Variants in CA6 observed in about 807,000 individuals in gnomAD.
CA6 encodes the protein carbonic anhydrase 6, also known as carbonate dehydratase VI.
A neutral mutation model predicts 35.9 loss-of-function variants in CA6; 28 were observed. The ratio of observed to expected loss-of-function variants is 0.78; its 90% CI spans 0.58 to 1.07. The LOEUF (loss-of-function observed/expected upper bound fraction) is 1.07. Among genes scored for constraint, CA6 ranks in the 50% least tolerant of loss-of-function variants. CA6 has a pLI of 0.00. For missense variants in CA6, 377 were observed against 382.0 expected (o/e 0.99, Z 0.11); for synonymous variants, 148 against 152.6 (o/e 0.97, Z 0.22).
intron 2 of CA6, chr1:8,951,398 C>T (rs762857728): frequency 4.0e-6 from 3 of 748,662 alleles, no homozygotes; most frequent in Non-Finnish European, 7.4e-6. Context: ...CTCTTGTTTC[C>T]AAAGTTACTC....
rs780959225 is a variant in CA6, at chr1:8,945,973, C to T, written c.79+8C>T. 1.3e-5 allele frequency: 21 copies of T among 1,601,134 alleles called. 1 individual carries two copies. The highest frequency in any genetic ancestry group is 3.3e-4 in the Middle Eastern group (2 of 6,056). ...CTGACTGGACCTACTCAGGTGAGCC[C>T]CTAGCTTCTGCATGCTCCCCCAGTT... On this transcript the variant is annotated splice_region_variant and intron_variant, in intron 1 of 7. Transcript: ENST00000377443.
At chr1:8,966,781 T>A (rs1639978840) in intron 5 of CA6, among the ~76,000 whole-genome samples, 1 of 152,134 alleles carries the variant, frequency 6.6e-6, no homozygotes, top group Non-Finnish European at 1.5e-5. Context: ...GTTGTTGACA[T>A]GAATGAAACA....
chr1:8,973,018 GTC>G (rs1255890100), intron 7 of CA6, among the ~76,000 whole-genome samples: 3 of 152,082 alleles, frequency 2.0e-5, no homozygotes, highest in Non-Finnish European at 2.9e-5. Flanking sequence ...AGACTCATGG[GTC>G]TGTCTCCTAA....
At chr1:8,950,934 A>T (rs1639513776) in intron 2 of CA6, among the ~76,000 whole-genome samples, 1 of 152,124 alleles carries the variant, frequency 6.6e-6, no homozygotes, top group Non-Finnish European at 1.5e-5. Flanking sequence ...AAATAAAACC[A>T]GCCTGGTGAG....
chr1:8,949,573 C>T (rs1411155834), intron 2 of CA6, 131 bp downstream of exon 2: 3 of 743,486 alleles, frequency 4.0e-6, no homozygotes, highest in Non-Finnish European at 6.6e-6. Flanking sequence ...AGGCCTCGAA[C>T]ATGAGGGTCG....
At chr1:8,970,511 A>C (rs753956136) in intron 6 of CA6, among the ~76,000 whole-genome samples, 41 of 151,620 alleles carry the variant, frequency 2.7e-4, no homozygotes, top group Non-Finnish European at 3.4e-4. Context: ...ATTCTTTTTT[A>C]TTTTTTATTT....
At chr1:8,960,647 T>C (rs1379956166) in intron 4 of CA6, among the ~76,000 whole-genome samples, 2 of 151,314 alleles carry the variant, frequency 1.3e-5, no homozygotes, top group Non-Finnish European at 2.9e-5. Flanking sequence ...CATTTGAAGA[T>C]AGAGCAATGA....
At chr1:8,973,351 C>T (rs1249836659) in intron 7 of CA6, among the ~76,000 whole-genome samples, 1 of 152,120 alleles carries the variant, frequency 6.6e-6, no homozygotes, top group Non-Finnish European at 1.5e-5. Context: ...CCATATTTCC[C>T]CTGCTTTCCC....
chr1:8,962,179 T>C (rs192209568), intron 4 of CA6, among the ~76,000 whole-genome samples: 1 of 151,382 alleles, frequency 6.6e-6, no homozygotes, highest in Non-Finnish European at 1.5e-5. Flanking sequence ...GAGGCAGAGG[T>C]TGCAGTGAGC....
At chr1:8,947,332 G>T (rs529271661) in intron 1 of CA6, among the ~76,000 whole-genome samples, 1 of 152,110 alleles carries the variant, frequency 6.6e-6, no homozygotes, top group African/African-American at 2.4e-5. Context: ...TGCAGGAAGT[G>T]AGACAAACAT....
intron 7 of CA6, among the ~76,000 whole-genome samples, chr1:8,972,563 T>C (rs952618561): frequency 2.6e-5 from 4 of 151,918 alleles, no homozygotes; most frequent in African/African-American, 9.7e-5. Context: ...TCCCAGCTAC[T>C]GGGGAGGCTG....
At chr1:8,957,531 G>A (rs1350252859) in intron 3 of CA6, among the ~76,000 whole-genome samples, 1 of 152,108 alleles carries the variant, frequency 6.6e-6, no homozygotes, top group Admixed American at 6.5e-5. Flanking sequence ...AGTAGAGACG[G>A]GATTTCACCA....
intron 5 of CA6, among the ~76,000 whole-genome samples, chr1:8,962,913 TGCACTAAGTAG>T (rs1245500418): frequency 1.3e-5 from 2 of 152,216 alleles, no homozygotes; most frequent in Admixed American, 6.5e-5. Context: ...TGACTGGAGT[TGCACTAAGTAG>T]GCATATCCTT....
intron 7 of CA6, among the ~76,000 whole-genome samples, chr1:8,971,386 A>C (rs1281823008): frequency 7.0e-6 from 1 of 143,520 alleles, no homozygotes; most frequent in Non-Finnish European, 1.5e-5. Flanking sequence ...ATCTCGTCTC[A>C]CTACAACCTC....
intron 6 of CA6, among the ~76,000 whole-genome samples, chr1:8,969,017 C>T (rs1406473347): frequency 7.3e-6 from 1 of 137,908 alleles, no homozygotes; most frequent in Non-Finnish European, 1.6e-5. Flanking sequence ...AACCCTGTCT[C>T]AAAAAAAAAA....
rs769517813 is a variant in CA6, at chr1:8,949,225, G to A, written c.80-38G>A. ...GTGAGGTTCCTCCAGAGTGGGCGCA[G>A]CCAGGCAGCCCCTTGAACTGTGTCT... On this transcript the variant is annotated intron_variant, in intron 1 of 7. Coordinates refer to ENST00000377443, the MANE Select transcript of CA6 (RefSeq NM_001215.4). The A allele has an allele frequency of 1.4e-5, 21 of 1,506,274 alleles. No homozygotes were observed. In the East Asian group the frequency reaches 3.9e-4, roughly 28 times the overall value. 93.3% of individuals were successfully genotyped at this position (1,506,274 alleles called of 1,614,324 possible).
intron 6 of CA6, among the ~76,000 whole-genome samples, chr1:8,968,262 G>A (rs991957083): frequency 6.6e-6 from 1 of 151,944 alleles, no homozygotes; most frequent in Non-Finnish European, 1.5e-5. Flanking sequence ...CACTGCACCC[G>A]GCCATCTCCT....
At chr1:8,965,183 G>A (rs1365483932) in intron 5 of CA6, among the ~76,000 whole-genome samples, 1 of 152,184 alleles carries the variant, frequency 6.6e-6, no homozygotes, top group Non-Finnish European at 1.5e-5. Context: ...GGTGGAGGTT[G>A]TAGTGAGCTG....
At chr1:8,947,656 C>T (rs1406333205) in intron 1 of CA6, among the ~76,000 whole-genome samples, 1 of 152,080 alleles carries the variant, frequency 6.6e-6, no homozygotes, top group Non-Finnish European at 1.5e-5. Context: ...AGACAGTGGG[C>T]TTCCTGGGAA....
Sources: allele counts gnomAD v4.1 joint callset (sites outside exome capture counted in the v4.1 genomes callset), GRCh38; gene constraint gnomAD v4.1.1; transcripts MANE v1.5; gene names NCBI Gene and HGNC (gene_info 2026-07-23, HGNC 2026-07-21).